Variants in ZNF254 observed in about 807,000 individuals in gnomAD.
ZNF254 encodes CTD-2017D11.1.
ZNF254 carries 10 observed loss-of-function variants against 12.4 expected under a neutral mutation model. The ratio of observed to expected loss-of-function variants is 0.80; its 90% CI spans 0.50 to 1.36. The LOEUF (loss-of-function observed/expected upper bound fraction) is 1.36, where lower values mean the gene tolerates loss of function less well. ZNF254 is among the 40% of genes most tolerant of loss of function. The pLI, the probability that ZNF254 is intolerant of heterozygous loss-of-function variation, is 0.00. For synonymous variants in ZNF254, 305 were observed against 253.4 expected, an observed-to-expected ratio of 1.20 and a Z score of -1.93; for missense variants, 996 against 763.9, an observed-to-expected ratio of 1.30 and a Z score of -3.58.
At chr19:24,116,746 C>G (rs763300958) in intron 3 of ZNF254, among the ~76,000 whole-genome samples, 2 of 152,178 alleles carry the variant, frequency 1.3e-5, no homozygotes. Context: ...TGAGGAACTG[C>G]GTTCCTTTGG....
chr19:24,056,338 C>T (rs1255312077), intron 2 of ZNF254, among the ~76,000 whole-genome samples: 5 of 152,104 alleles, frequency 3.3e-5, no homozygotes, highest in African/African-American at 1.2e-4. Flanking sequence ...CCATTCATTA[C>T]CCAGGTGTTA....
intron 2 of ZNF254, among the ~76,000 whole-genome samples, chr19:24,057,323 A>G (rs762996896): frequency 6.6e-6 from 1 of 152,206 alleles, no homozygotes; most frequent in Non-Finnish European, 1.5e-5. Context: ...ACATCAGGCA[A>G]CAGCTGAGGT....
At chr19:24,078,200 G>A (rs1599654237) in intron 2 of ZNF254, among the ~76,000 whole-genome samples, 2 of 152,262 alleles carry the variant, frequency 1.3e-5, no homozygotes, top group South Asian at 4.1e-4. Flanking sequence ...ACCACACACG[G>A]CTGATTTTTG....
chr19:24,045,780 A>AGT (rs2145243825), intron 1 of ZNF254, among the ~76,000 whole-genome samples: 1 of 152,026 alleles, frequency 6.6e-6, no homozygotes, highest in East Asian at 1.9e-4. Flanking sequence ...TTAGTCTCAG[A>AGT]GTGTGGTGTT....
In ZNF254 at chr19:24,126,360, A is replaced by G. The variant is rs189842936; in HGVS notation, c.360A>G (p.Leu120=). The change falls in exon 4 of 4, where the codon TTA becomes TTG. Residue 120 remains leucine (L), a synonymous_variant. Coordinates refer to ENST00000357002, the MANE Select transcript of ZNF254 (RefSeq NM_203282.4). Reference sequence around the variant, plus strand: ...ATGGAAAATATGGACATGAGAATTTACAGTTAAGAAAAGGCTGTAAAAGTG... The same window carrying G: ...ATGGAAAATATGGACATGAGAATTTGCAGTTAAGAAAAGGCTGTAAAAGTG... ...RRYGKYGHEN[L]QLRKGCKSVD... The G allele has an allele frequency of 6.2e-7, 1 of 1,609,442 alleles. No individual in the cohort carries two copies. Among genetic ancestry groups the G allele is most frequent in the Admixed American group, 1.7e-5 (1 of 59,288 alleles).
chr19:24,061,735 C>T (rs1479483386), intron 2 of ZNF254, among the ~76,000 whole-genome samples: 1 of 152,160 alleles, frequency 6.6e-6, no homozygotes, highest in African/African-American at 2.4e-5. Flanking sequence ...ACTCTAATAC[C>T]TCCTACCAGC....
intron 2 of ZNF254, among the ~76,000 whole-genome samples, chr19:24,047,022 C>T (rs1970417226): frequency 6.7e-6 from 1 of 150,278 alleles, no homozygotes; most frequent in Admixed American, 6.6e-5. Flanking sequence ...CGCCACGATG[C>T]CTGGCTAATT....
At chr19:24,049,412 G>A (rs1405969178) in intron 2 of ZNF254, 1 of 151,370 alleles carries the variant, frequency 6.6e-6, no homozygotes, top group African/African-American at 2.4e-5. Flanking sequence ...CAGTCCAGAT[G>A]TATAATCTCA....
At chr19:24,102,537 C>G (rs1973099062) in intron 1 of ZNF254, among the ~76,000 whole-genome samples, 1 of 152,062 alleles carries the variant, frequency 6.6e-6, no homozygotes, top group Non-Finnish European at 1.5e-5. Flanking sequence ...TTATTTAAGT[C>G]TTGCCCTACC....
At chr19:24,075,076 C>CT (rs1971610883) in intron 2 of ZNF254, among the ~76,000 whole-genome samples, 1 of 152,170 alleles carries the variant, frequency 6.6e-6, no homozygotes, top group African/African-American at 2.4e-5. Context: ...TGCATGGACT[C>CT]TTTTCAGGAG....
At chr19:24,107,586 CTCTA>C (rs1973423857) in intron 3 of ZNF254, among the ~76,000 whole-genome samples, 1 of 151,960 alleles carries the variant, frequency 6.6e-6, no homozygotes, top group Non-Finnish European at 1.5e-5. Flanking sequence ...AATGTACTCT[CTCTA>C]TATACATATA....
At chr19:24,119,739 C>A (rs1241487484) in intron 3 of ZNF254, among the ~76,000 whole-genome samples, 1 of 152,082 alleles carries the variant, frequency 6.6e-6, no homozygotes, top group Non-Finnish European at 1.5e-5. Context: ...GAACACCCCA[C>A]TTTAACCTCC....
chr19:24,119,505 C>T (rs7251556), intron 3 of ZNF254, among the ~76,000 whole-genome samples: 1 of 151,932 alleles, frequency 6.6e-6, no homozygotes, highest in Non-Finnish European at 1.5e-5. Flanking sequence ...TTTGTTTGTT[C>T]TTGAGATAGG....
intron 2 of ZNF254, among the ~76,000 whole-genome samples, chr19:24,076,729 T>G (rs1001186650): frequency 2.2e-4 from 33 of 152,362 alleles, no homozygotes; most frequent in Middle Eastern, 3.4e-3. Flanking sequence ...TGTCAAAATT[T>G]AAGTTTTCCG....
chr19:24,058,492 C>A (rs1212450875), intron 2 of ZNF254, among the ~76,000 whole-genome samples: 2 of 151,384 alleles, frequency 1.3e-5, no homozygotes, highest in African/African-American at 4.9e-5. Context: ...CTCAAGGCAA[C>A]CTCCGCCTCC....
Position 24,106,546 on chromosome 19 carries a change from AG to A in ZNF254, c.158del. On this transcript the variant is annotated splice_acceptor_variant, in intron 2 of 3. Coordinates refer to ENST00000357002, the MANE Select transcript of ZNF254 (RefSeq NM_203282.4). LOFTEE classifies it high-confidence loss of function. ...TTCATTTAGTTATTTTTAATAAAACAGGTATTGCTGTCTCTAAGCCAGACCT... is the reference window on the plus strand; with the variant it reads ...TTCATTTAGTTATTTTTAATAAAACAGTATTGCTGTCTCTAAGCCAGACCT... 1.9e-6 allele frequency: 3 copies of A among 1,574,978 alleles called. No individual in the cohort carries two copies. Among genetic ancestry groups the A allele is most frequent in the Non-Finnish European group, 2.6e-6 (3 of 1,157,544 alleles).
At chr19:24,120,708 G>A (rs1974419465) in intron 3 of ZNF254, among the ~76,000 whole-genome samples, 1 of 151,978 alleles carries the variant, frequency 6.6e-6, no homozygotes, top group Non-Finnish European at 1.5e-5. Context: ...TGTCACCCAG[G>A]CTGGAGTGCA....
At chr19:24,111,744 A>G (rs1290011122) in intron 3 of ZNF254, among the ~76,000 whole-genome samples, 1 of 151,942 alleles carries the variant, frequency 6.6e-6, no homozygotes, top group East Asian at 1.9e-4. Flanking sequence ...GGCTGCATAA[A>G]TGTCTTCTTT....
At chr19:24,099,683 A>G (rs1037398711) in intron 1 of ZNF254, among the ~76,000 whole-genome samples, 14 of 152,166 alleles carry the variant, frequency 9.2e-5, no homozygotes, top group African/African-American at 2.7e-4. Context: ...GGCCTCCCCA[A>G]TGACCAGGTG....
Sources: gnomAD v4.1 joint callset for allele counts (sites outside exome capture counted in the v4.1 genomes callset) on GRCh38, gnomAD v4.1.1 for gene constraint, MANE v1.5 for transcripts, NCBI Gene and HGNC (gene_info 2026-07-23, HGNC 2026-07-21) for gene names.